Variants in ANAPC11 observed in about 807,000 individuals in gnomAD.
ANAPC11 encodes anaphase promoting complex subunit 11, also known as anaphase-promoting complex subunit 11.
In ANAPC11, 5 loss-of-function variants were observed where a neutral mutation model predicts 11.8. That is an observed-to-expected ratio of 0.42 (90% CI 0.22 to 0.89). The LOEUF (loss-of-function observed/expected upper bound fraction) is 0.89. Among genes scored for constraint, ANAPC11 ranks in the 40% least tolerant of loss-of-function variants. ANAPC11 has a pLI of 0.28. For missense variants in ANAPC11, 68 were observed against 112.9 expected, an observed-to-expected ratio of 0.60 and a Z score of 1.80; for synonymous variants, 45 against 41.0, an observed-to-expected ratio of 1.10 and a Z score of -0.38.
intron 3 of ANAPC11, chr17:81,898,115 T>C (rs1256946794): frequency 6.6e-6 from 1 of 152,284 alleles, no homozygotes; most frequent in African/African-American, 2.4e-5. Flanking sequence ...ACAGTTTTAT[T>C]TGATCTCTTT....
At chr17:81,893,759 T>C (rs1274355880) in intron 2 of ANAPC11, 145 bp downstream of exon 2, 1 of 138,808 alleles carries the variant, frequency 7.2e-6, no homozygotes, top group Non-Finnish European at 1.5e-5. Flanking sequence ...TTTTTCCTTT[T>C]TTTTTTTTTT....
chr17:81,894,284 A>G (rs2039655413), intron 2 of ANAPC11, 183 bp from the exon 3 acceptor site: 1 of 397,350 alleles, frequency 2.5e-6, no homozygotes. Context: ...GTAAAATAAA[A>G]TAGAAACAGG....
intron 3 of ANAPC11, 42 bp downstream of exon 3, chr17:81,894,628 AGT>A: frequency 7.0e-7 from 1 of 1,422,900 alleles, no homozygotes; most frequent in Non-Finnish European, 9.8e-7. Context: ...CCCGACTGTG[AGT>A]GTCCCCTCTG....
At chr17:81,898,815 C>T (rs2039831349) in intron 3 of ANAPC11, 1 of 198,162 alleles carries the variant, frequency 5.0e-6, no homozygotes, top group African/African-American at 2.3e-5. Flanking sequence ...CATCTGCGGA[C>T]TCATCAGACA....
At chr17:81,892,524 A>ATTTTTTTTTTTTTTTTTTTT (rs201667030) in intron 1 of ANAPC11, among the ~76,000 whole-genome samples, 1 of 128,530 alleles carries the variant, frequency 7.8e-6, no homozygotes, top group African/African-American at 3.0e-5. Flanking sequence ...CATTTCATTG[A>ATTTTTTTTTTTTTTTTTTTT]TTTTTTTTTT....
chr17:81,890,808 G>C, upstream of ANAPC11: 1 of 1,614,108 alleles, frequency 6.2e-7, no homozygotes, highest in Non-Finnish European at 8.5e-7. Context: ...CACTTGTCGG[G>C]AAGTTGTTTT....
At chr17:81,898,102 G>A (rs2143568968) in intron 3 of ANAPC11, 1 of 152,348 alleles carries the variant, frequency 6.6e-6, no homozygotes, top group Admixed American at 6.5e-5. Flanking sequence ...AAATTCACAA[G>A]GCACAGTTTT....
chr17:81,896,064 G>A (rs2039731899), intron 3 of ANAPC11, among the ~76,000 whole-genome samples: 1 of 152,232 alleles, frequency 6.6e-6, no homozygotes, highest in Non-Finnish European at 1.5e-5. Context: ...CAGGCGGATT[G>A]CTTCAGGCCA....
intron 3 of ANAPC11, chr17:81,899,604 A>G (rs2039870380): frequency 6.5e-7 from 1 of 1,537,404 alleles, no homozygotes; most frequent in Admixed American, 1.8e-5. Flanking sequence ...GCTAGGCCAG[A>G]GCGCCACCTC....
At chr17:81,891,231 CCCGCCGGCCCGGGTCT>C (rs1316687585), upstream of ANAPC11, 1 of 1,020,564 alleles carries the variant, frequency 9.8e-7, no homozygotes, top group African/African-American at 1.7e-5. Context: ...GCCTTATCCA[CCCGCCGGCCCGGGTCT>C]CCGCCGCGAG....
chr17:81,895,054 T>TC (rs1464228657), intron 3 of ANAPC11, among the ~76,000 whole-genome samples: 1 of 138,054 alleles, frequency 7.2e-6, no homozygotes, highest in South Asian at 2.3e-4. Context: ...TCTTTTCTTT[T>TC]TTTTTTTTTT....
At chr17:81,897,893 GA>G (rs1369031983) in intron 3 of ANAPC11, among the ~76,000 whole-genome samples, 12 of 152,186 alleles carry the variant, frequency 7.9e-5, no homozygotes, top group African/African-American at 2.4e-4. Flanking sequence ...AAAGTGCTGG[GA>G]TTATAGGTGT....
chr17:81,897,234 C>T (rs550527602), intron 3 of ANAPC11, among the ~76,000 whole-genome samples: 116 of 152,006 alleles, frequency 7.6e-4, no homozygotes, highest in Non-Finnish European at 1.5e-3. Flanking sequence ...CTCTTGACCT[C>T]GTGATCCGCC....
At chr17:81,897,334 T>C (rs1434134085) in intron 3 of ANAPC11, among the ~76,000 whole-genome samples, 1 of 152,150 alleles carries the variant, frequency 6.6e-6, no homozygotes, top group East Asian at 1.9e-4. Context: ...GGTTTCACCA[T>C]GTTGGCCGGG....
At chr17:81,891,039 G>T, upstream of ANAPC11, 1 of 724,958 alleles carries the variant, frequency 1.4e-6, no homozygotes, top group Non-Finnish European at 2.2e-6. Context: ...ACTTCCCGCC[G>T]CCTGTGCCGC....
At chr17:81,893,341 C>T (rs2039618301) in intron 1 of ANAPC11, among the ~76,000 whole-genome samples, 1 of 152,092 alleles carries the variant, frequency 6.6e-6, no homozygotes, top group Admixed American at 6.5e-5. Flanking sequence ...ATCTGCCTGC[C>T]TCAGCCTCCC....
chr17:81,894,703 C>T, intron 3 of ANAPC11, 117 bp downstream of exon 3: 1 of 485,392 alleles, frequency 2.1e-6, no homozygotes, highest in Non-Finnish European at 3.5e-6. Flanking sequence ...ACGAAATACC[C>T]AGTTTCATTT....
chr17:81,895,797 A>G (rs1310910298), intron 3 of ANAPC11, among the ~76,000 whole-genome samples: 2 of 152,150 alleles, frequency 1.3e-5, no homozygotes, highest in African/African-American at 2.4e-5. Context: ...GTGAAACGCC[A>G]TCTCTACTAA....
At chr17:81,900,295 G>A (rs2039898837), downstream of ANAPC11, 2 of 613,488 alleles carry the variant, frequency 3.3e-6, no homozygotes, top group East Asian at 2.9e-5. Context: ...GCATATAGAT[G>A]TGGTCTCGGT....
Sources: gnomAD v4.1 joint callset for allele counts (sites outside exome capture counted in the v4.1 genomes callset) on GRCh38, gnomAD v4.1.1 for gene constraint, MANE v1.5 for transcripts, NCBI Gene and HGNC (gene_info 2026-07-23, HGNC 2026-07-21) for gene names.